Variants in MEP1A observed in about 807,000 individuals in gnomAD.
The protein encoded by MEP1A is N-benzoyl-L-tyrosyl-P-amino-benzoic acid hydrolase subunit alpha.
MEP1A carries 68 observed loss-of-function variants against 84.5 expected under a neutral mutation model. The observed-to-expected ratio is 0.80, with a 90% CI of 0.66 to 0.98. The LOEUF (loss-of-function observed/expected upper bound fraction) is 0.98. Among genes scored for constraint, MEP1A ranks in the 50% least tolerant of loss-of-function variants. The pLI is 0.00. For missense variants in MEP1A, 887 were observed against 919.9 expected, an observed-to-expected ratio of 0.96 and a Z score of 0.46; for synonymous variants, 337 against 336.8, an observed-to-expected ratio of 1.00 and a Z score of -0.01.
At chr6:46,837,395 C>T (rs1466537645) in intron 13 of MEP1A, among the ~76,000 whole-genome samples, 22 of 152,200 alleles carry the variant, frequency 1.4e-4, no homozygotes, top group Admixed American at 9.8e-4. Flanking sequence ...ATTTTATGAA[C>T]ACAATGTTAC....
At chr6:46,828,761 C>T (rs955712759) in intron 9 of MEP1A, among the ~76,000 whole-genome samples, 1 of 152,156 alleles carries the variant, frequency 6.6e-6, no homozygotes, top group South Asian at 2.1e-4. Flanking sequence ...CTTCAGTGTC[C>T]TTCCAATTCC....
chr6:46,810,283 T>G (rs1767465290), intron 6 of MEP1A, among the ~76,000 whole-genome samples: 1 of 152,166 alleles, frequency 6.6e-6, no homozygotes, highest in Non-Finnish European at 1.5e-5. Flanking sequence ...AATTGTCTAT[T>G]CACATTCTTA....
At chr6:46,825,193 G>A (rs945283104) in intron 7 of MEP1A, 79 bp from the exon 8 acceptor site, 9 of 710,786 alleles carry the variant, frequency 1.3e-5, no homozygotes, top group African/African-American at 1.8e-5. Context: ...TTTTTGGAGG[G>A]TCTCTGGGTA....
At chr6:46,820,117 C>T (rs907546234) in intron 7 of MEP1A, among the ~76,000 whole-genome samples, 46 of 152,152 alleles carry the variant, frequency 3.0e-4, no homozygotes, top group Non-Finnish European at 6.0e-4. Flanking sequence ...ATAGGGCATA[C>T]TCAAGAAGTA....
At chr6:46,814,603 T>C (rs530667433) in intron 6 of MEP1A, among the ~76,000 whole-genome samples, 2 of 152,196 alleles carry the variant, frequency 1.3e-5, no homozygotes, top group South Asian at 4.1e-4. Context: ...CATGATCTTT[T>C]GGCAGTGTTA....
chr6:46,813,544 A>G (rs1279972334), intron 6 of MEP1A, among the ~76,000 whole-genome samples: 2 of 152,122 alleles, frequency 1.3e-5, no homozygotes, highest in Non-Finnish European at 2.9e-5. Flanking sequence ...GGGCATTTAC[A>G]TTCACTGTTA....
At position 46,818,523 on chromosome 6, in the gene MEP1A, G is replaced by T. The variant is rs1330925100; in HGVS notation, c.381-1006G>T. ...GGAAAGCTTTGGGTTTGCTAATAGA[G>T]GTGAAAAATTGGGTTTATGAGAAGA... On this transcript the variant is annotated intron_variant, in intron 6 of 13. Coordinates refer to ENST00000230588, the MANE Select transcript of MEP1A (RefSeq NM_005588.3). Among the ~76,000 whole-genome samples, 3 of 152,160 alleles carry T rather than the reference G, an allele frequency of 2.0e-5. No individual in the cohort carries two copies. The East Asian group carries it at 5.8e-4, about 29-fold the overall frequency.
intron 6 of MEP1A, among the ~76,000 whole-genome samples, 159 bp from the exon 7 acceptor site, chr6:46,819,370 G>T (rs1168604585): frequency 6.6e-6 from 1 of 152,164 alleles, no homozygotes; most frequent in Non-Finnish European, 1.5e-5. Context: ...CCTTCTTTAA[G>T]CAGTCCCCAT....
intron 6 of MEP1A, among the ~76,000 whole-genome samples, chr6:46,811,195 G>A (rs1767490676): frequency 6.6e-6 from 1 of 151,948 alleles, no homozygotes; most frequent in African/African-American, 2.4e-5. Context: ...CTTTGGTTAG[G>A]TATATTCCTA....
In MEP1A at chr6:46,820,861, T is replaced by C. The variant is rs547478564; in HGVS notation, c.556+1157T>C. 6.6e-5 allele frequency among the ~76,000 whole-genome samples: 10 copies of C among 152,328 alleles called. No individual in the cohort carries two copies. In the South Asian group the frequency reaches 2.1e-3, roughly 32 times the overall value. ...TGAAGAGAATGCAAAAACATTGTTT[T>C]TGGCAGTAAGAGATTAATGAAACTT... On this transcript the variant is annotated intron_variant, in intron 7 of 13. Coordinates refer to ENST00000230588, the MANE Select transcript of MEP1A (RefSeq NM_005588.3).
In MEP1A at chr6:46,833,162, C is replaced by T. The variant is rs1481097359; in HGVS notation, c.1233C>T (p.Asp411=). 1 of 1,592,778 alleles carries T rather than the reference C, an allele frequency of 6.3e-7. No individual in the cohort carries two copies. Among genetic ancestry groups the T allele is most frequent in the Admixed American group, 1.8e-5 (1 of 55,336 alleles). The stretch of plus-strand genomic sequence containing the variant: ...ACCTTTTCCAGGGCACAAAAGGCGA[C>T]CCTCAGAACTCAACTGGGGGAATTT... ...FRYLFQGTKG[D]PQNSTGGIYL... is the part of the protein sequence containing the mutation. The change falls in exon 11 of 14, where the codon GAC becomes GAT. Residue 411 remains aspartate, a synonymous_variant. Coordinates refer to ENST00000230588, the MANE Select transcript of MEP1A (RefSeq NM_005588.3).
chr6:46,807,844 A>G (rs1051665694), intron 5 of MEP1A, among the ~76,000 whole-genome samples: 10 of 146,122 alleles, frequency 6.8e-5, no homozygotes, highest in East Asian at 2.0e-4. Context: ...AGAAAGGAAG[A>G]AAGGAAATAA....
At chr6:46,823,531 G>C (rs1282479090) in intron 7 of MEP1A, among the ~76,000 whole-genome samples, 3 of 152,196 alleles carry the variant, frequency 2.0e-5, no homozygotes, top group Non-Finnish European at 4.4e-5. Flanking sequence ...AGAATTGTTT[G>C]AACCCAGGAG....
At chr6:46,834,409 T>A (rs1288591615) in intron 11 of MEP1A, among the ~76,000 whole-genome samples, 169 bp from the exon 12 acceptor site, 1 of 151,340 alleles carries the variant, frequency 6.6e-6, no homozygotes, top group Non-Finnish European at 1.5e-5. Context: ...ATAGCCTAAT[T>A]TTTTTCCAAC....
intron 3 of MEP1A, among the ~76,000 whole-genome samples, chr6:46,798,173 G>T (rs1338663274): frequency 1.3e-5 from 2 of 151,974 alleles, no homozygotes; most frequent in African/African-American, 2.4e-5. Context: ...TTACCATGTT[G>T]GCCAGGCTGG....
intron 6 of MEP1A, among the ~76,000 whole-genome samples, chr6:46,810,921 T>C (rs949302562): frequency 1.3e-5 from 2 of 152,162 alleles, no homozygotes; most frequent in African/African-American, 4.8e-5. Context: ...AGATTTGTTC[T>C]TTTTACTTAG....
At chr6:46,830,648 A>G (rs112188017) in intron 10 of MEP1A, among the ~76,000 whole-genome samples, 22 of 152,284 alleles carry the variant, frequency 1.4e-4, no homozygotes, top group African/African-American at 2.6e-4. Context: ...TAATTTATCA[A>G]TTGAAATGAG....
intron 5 of MEP1A, among the ~76,000 whole-genome samples, chr6:46,805,888 A>C (rs1767305908): frequency 1.3e-5 from 2 of 151,996 alleles, no homozygotes; most frequent in South Asian, 4.1e-4. Context: ...CAGAGACTCT[A>C]ACTGCACATA....
intron 9 of MEP1A, among the ~76,000 whole-genome samples, chr6:46,828,241 T>A (rs1304710572): frequency 6.6e-6 from 1 of 151,890 alleles, no homozygotes; most frequent in Admixed American, 6.6e-5. Context: ...GCGCTGTTTT[T>A]TTTTTTTTTC....
Sources: gnomAD v4.1 joint callset for allele counts (sites outside exome capture counted in the v4.1 genomes callset) on GRCh38, gnomAD v4.1.1 for gene constraint, MANE v1.5 for transcripts, NCBI Gene and HGNC (gene_info 2026-07-23, HGNC 2026-07-21) for gene names.